The following FHIT variants were observed in gnomAD, a reference collection of about 807,000 sequenced individuals.
FHIT encodes the protein fragile histidine triad diadenosine triphosphatase, also known as bis(5'-adenosyl)-triphosphatase.
In FHIT, 19 loss-of-function variants were observed where a neutral mutation model predicts 17.9. The ratio of observed to expected loss-of-function variants is 1.06; its 90% confidence interval spans 0.74 to 1.56. The LOEUF (loss-of-function observed/expected upper bound fraction) is 1.56. Among genes scored for constraint, FHIT ranks in the 40% most tolerant of loss-of-function variants. The pLI is 0.00. For missense variants in FHIT, 248 were observed against 189.2 expected, an observed-to-expected ratio of 1.31 and a Z score of -1.82; for synonymous variants, 81 against 69.7, an observed-to-expected ratio of 1.16 and a Z score of -0.81.
At chr3:59,930,169 C>T (rs552494450) in intron 7 of FHIT, among the ~76,000 whole-genome samples, 14 of 152,242 alleles carry the variant, frequency 9.2e-5, no homozygotes, top group African/African-American at 3.1e-4. Context: ...AGAACTGCTC[C>T]TGGGGAGACA....
intron 2 of FHIT, among the ~76,000 whole-genome samples, chr3:61,068,856 T>G (rs1170942904): frequency 6.6e-6 from 1 of 152,148 alleles, no homozygotes; most frequent in Non-Finnish European, 1.5e-5. Flanking sequence ...ACCTCTTCAG[T>G]GGGCCCCTTT....
chr3:60,742,602 A>C lies in FHIT; in HGVS notation c.-18+79317T>G, dbSNP rs1193644846. On this transcript the variant is annotated intron_variant, in intron 4 of 9. Coordinates refer to ENST00000492590, the MANE Select transcript of FHIT (RefSeq NM_002012.4). The stretch of plus-strand genomic sequence containing the variant: ...TAATAAAGTATTTGCACCACAAGAA[A>C]AAAATGTATTTCATGACCAGCAGGC... Among the ~76,000 whole-genome samples, 3 of 152,250 alleles carry C rather than the reference A, an allele frequency of 2.0e-5. No homozygotes were observed. The East Asian group carries it at 5.8e-4, about 29-fold the overall frequency.
At chr3:59,942,372 A>C (rs1308825928) in intron 7 of FHIT, among the ~76,000 whole-genome samples, 2 of 152,116 alleles carry the variant, frequency 1.3e-5, no homozygotes, top group African/African-American at 4.8e-5. Context: ...GTGATGCTTC[A>C]AACTCAGCTT....
At chr3:59,946,895 G>A (rs765241466) in intron 7 of FHIT, among the ~76,000 whole-genome samples, 3 of 152,090 alleles carry the variant, frequency 2.0e-5, no homozygotes, top group African/African-American at 4.8e-5. Flanking sequence ...TTTTTGATGC[G>A]CTGCTGGATT....
chr3:60,043,942 C>A (rs776045201), intron 5 of FHIT, among the ~76,000 whole-genome samples: 3 of 152,174 alleles, frequency 2.0e-5, no homozygotes, highest in African/African-American at 4.8e-5. Context: ...ATAATCCAAA[C>A]GACAGGCCAA....
At chr3:60,445,133 C>T (rs746315805) in intron 5 of FHIT, among the ~76,000 whole-genome samples, 6 of 151,998 alleles carry the variant, frequency 3.9e-5, no homozygotes, top group South Asian at 4.2e-4. Flanking sequence ...TACTAATGCA[C>T]GTAAGTATTG....
chr3:61,225,599 C>G (rs1412629527), intron 1 of FHIT, among the ~76,000 whole-genome samples: 1 of 152,146 alleles, frequency 6.6e-6, no homozygotes, highest in Non-Finnish European at 1.5e-5. Context: ...ATACTTTCTG[C>G]GGTTTCAGTA....
intron 4 of FHIT, among the ~76,000 whole-genome samples, chr3:60,692,751 C>G (rs880001538): frequency 2.0e-5 from 3 of 152,192 alleles, no homozygotes; most frequent in Non-Finnish European, 4.4e-5. Context: ...TAATTTATTA[C>G]AGCAGCCACA....
chr3:60,948,271 C>G (rs1377610550), intron 3 of FHIT, among the ~76,000 whole-genome samples: 1 of 152,136 alleles, frequency 6.6e-6, no homozygotes, highest in South Asian at 2.1e-4. Context: ...CCCAAAGGAC[C>G]TAACAGCCCA....
intron 1 of FHIT, among the ~76,000 whole-genome samples, chr3:61,204,562 A>C (rs1170595214): frequency 2.6e-5 from 4 of 152,232 alleles, no homozygotes; most frequent in Non-Finnish European, 5.9e-5. Context: ...AGAATATAAA[A>C]AAGAAAATAT....
chr3:61,188,230 T>TA (rs1239423856), intron 2 of FHIT, among the ~76,000 whole-genome samples: 2 of 152,156 alleles, frequency 1.3e-5, no homozygotes, highest in South Asian at 2.1e-4. Context: ...ATAGATGCAG[T>TA]AAAAAATGAT....
intron 4 of FHIT, among the ~76,000 whole-genome samples, chr3:60,740,908 G>C (rs73103521): frequency 6.6e-6 from 1 of 152,286 alleles, no homozygotes; most frequent in African/African-American, 2.4e-5. Flanking sequence ...AACATTCTAA[G>C]TGGGTTTTTG....
chr3:60,758,906 A>G (rs902336114), intron 4 of FHIT, among the ~76,000 whole-genome samples: 1 of 152,158 alleles, frequency 6.6e-6, no homozygotes, highest in South Asian at 2.1e-4. Flanking sequence ...GCTGATTTAT[A>G]AAAGACAGAG....
At chr3:61,211,986 C>T (rs566261449) in intron 1 of FHIT, among the ~76,000 whole-genome samples, 1 of 152,260 alleles carries the variant, frequency 6.6e-6, no homozygotes, top group South Asian at 2.1e-4. Context: ...GAAAGGACAT[C>T]CACACCAAAA....
intron 3 of FHIT, among the ~76,000 whole-genome samples, chr3:60,955,745 G>T (rs73100089): frequency 0.047 from 7,129 of 151,376 alleles, 212 homozygotes; most frequent in South Asian, 0.068. Context: ...CAGTATAATG[G>T]TTACTGTTGG....
intron 4 of FHIT, 109 bp from the exon 5 acceptor site, chr3:60,537,088 G>T: frequency 1.2e-6 from 1 of 864,892 alleles, no homozygotes; most frequent in Non-Finnish European, 1.6e-6. Context: ...TTGCAGAGAG[G>T]ATGCCATTGA....
intron 5 of FHIT, among the ~76,000 whole-genome samples, chr3:60,071,307 T>C (rs1224912191): frequency 1.3e-5 from 2 of 152,238 alleles, no homozygotes; most frequent in African/African-American, 4.8e-5. Context: ...GTTGAAATCA[T>C]ACTATTTTAG....
intron 7 of FHIT, among the ~76,000 whole-genome samples, chr3:59,961,680 C>G (rs1479766867): frequency 6.6e-6 from 1 of 152,132 alleles, no homozygotes; most frequent in Non-Finnish European, 1.5e-5. Flanking sequence ...TTCCCTGACC[C>G]CTTGTGCTTC....
intron 5 of FHIT, among the ~76,000 whole-genome samples, chr3:60,335,658 G>A (rs1249579797): frequency 2.0e-5 from 3 of 152,012 alleles, no homozygotes; most frequent in Non-Finnish European, 4.4e-5. Context: ...GGATTTCAAA[G>A]ACTCAGCACA....
Sources: allele counts gnomAD v4.1 joint callset (sites outside exome capture counted in the v4.1 genomes callset), GRCh38; gene constraint gnomAD v4.1.1; transcripts MANE v1.5; gene names NCBI Gene and HGNC (gene_info 2026-07-23, HGNC 2026-07-21).